DCC: variants seen among roughly 807,000 people sequenced by gnomAD.
DCC encodes the protein netrin receptor DCC.
DCC carries 58 observed loss-of-function variants against 172.5 expected under a neutral mutation model. The ratio of observed to expected loss-of-function variants is 0.34; its 90% confidence interval spans 0.27 to 0.42. The LOEUF is 0.42. Among genes scored for constraint, DCC ranks in the 10% least tolerant of loss-of-function variants. DCC has a pLI of 1.00. For synonymous variants in DCC, 709 were observed against 644.5 expected, an observed-to-expected ratio of 1.10 and a Z score of -1.52; for missense variants, 1,740 against 1,791.0, an observed-to-expected ratio of 0.97 and a Z score of 0.51.
intron 5 of DCC, among the ~76,000 whole-genome samples, chr18:53,037,681 A>G (rs1000458811): frequency 7.2e-5 from 11 of 152,006 alleles, no homozygotes; most frequent in African/African-American, 2.7e-4. Flanking sequence ...ATAAACAAAG[A>G]AAACCAAATG....
chr18:53,003,798 C>T (rs767404353), intron 5 of DCC, among the ~76,000 whole-genome samples: 55 of 152,126 alleles, frequency 3.6e-4, no homozygotes, highest in Non-Finnish European at 5.4e-4. Context: ...TACACAGAGA[C>T]GCACCTCTTT....
chr18:52,446,957 G>T (rs1291904230), intron 1 of DCC, among the ~76,000 whole-genome samples: 1 of 152,172 alleles, frequency 6.6e-6, no homozygotes, highest in East Asian at 1.9e-4. Flanking sequence ...CAGGAGTACT[G>T]TTTGCCAGTT....
intron 27 of DCC, among the ~76,000 whole-genome samples, chr18:53,502,943 A>G (rs909537486): frequency 3.3e-5 from 5 of 151,972 alleles, no homozygotes; most frequent in Non-Finnish European, 5.9e-5. Flanking sequence ...TGCTGCACCT[A>G]TCAACCCATC....
chr18:52,681,414 A>T (rs2144991400), intron 1 of DCC, among the ~76,000 whole-genome samples: 1 of 152,216 alleles, frequency 6.6e-6, no homozygotes, highest in East Asian at 1.9e-4. Flanking sequence ...ACACACCAAA[A>T]ATTTAAGAAT....
chr18:52,363,998 G>T (rs942004299), intron 1 of DCC, among the ~76,000 whole-genome samples: 1 of 152,164 alleles, frequency 6.6e-6, no homozygotes, highest in African/African-American at 2.4e-5. Context: ...TGTGCCTTCT[G>T]TGCTTCTCTG....
intron 18 of DCC, among the ~76,000 whole-genome samples, chr18:53,397,671 C>T (rs752213581): frequency 3.3e-5 from 5 of 152,238 alleles, no homozygotes; most frequent in Middle Eastern, 6.8e-3. Context: ...GATTAATACA[C>T]GGTTTCTTCA....
intron 1 of DCC, among the ~76,000 whole-genome samples, chr18:52,581,896 C>T (rs1200828333): frequency 6.6e-6 from 1 of 152,108 alleles, no homozygotes; most frequent in Non-Finnish European, 1.5e-5. Flanking sequence ...AATCACCAGA[C>T]TTAGGGTGAT....
chr18:53,019,862 C>T (rs557014515), intron 5 of DCC, among the ~76,000 whole-genome samples: 25 of 152,164 alleles, frequency 1.6e-4, no homozygotes, highest in African/African-American at 5.8e-4. Flanking sequence ...TATTGTCTGA[C>T]CCTTTACAAA....
chr18:53,513,614 G>A (rs1480664616), intron 27 of DCC, among the ~76,000 whole-genome samples: 1 of 152,070 alleles, frequency 6.6e-6, no homozygotes, highest in Non-Finnish European at 1.5e-5. Context: ...AAAGGATGGA[G>A]GAAGATCTAC....
intron 2 of DCC, among the ~76,000 whole-genome samples, chr18:52,821,283 C>T (rs568692187): frequency 6.6e-6 from 1 of 152,290 alleles, no homozygotes; most frequent in Non-Finnish European, 1.5e-5. Context: ...TCTCAACATA[C>T]ATTCCACATG....
At chr18:53,065,563 T>A (rs1286546794) in intron 6 of DCC, among the ~76,000 whole-genome samples, 1 of 152,200 alleles carries the variant, frequency 6.6e-6, no homozygotes, top group Non-Finnish European at 1.5e-5. Context: ...TTTTTAGATA[T>A]TTTTCTGGGC....
intron 18 of DCC, among the ~76,000 whole-genome samples, chr18:53,401,158 C>T (rs1209848579): frequency 6.6e-6 from 1 of 152,018 alleles, no homozygotes; most frequent in Non-Finnish European, 1.5e-5. Context: ...CAAGAATGTC[C>T]GGATATGGTT....
chr18:53,245,997 C>T (rs1396955207), intron 12 of DCC, among the ~76,000 whole-genome samples: 1 of 152,030 alleles, frequency 6.6e-6, no homozygotes, highest in African/African-American at 2.4e-5. Context: ...AGCTGTCATG[C>T]TTTCTCAGGT....
intron 15 of DCC, among the ~76,000 whole-genome samples, chr18:53,362,541 G>A (rs573975586): frequency 2.0e-5 from 3 of 152,162 alleles, no homozygotes; most frequent in Non-Finnish European, 4.4e-5. Context: ...AAGAAAAAGT[G>A]TAGGAAGAGA....
At chr18:52,611,944 C>T (rs1385339148) in intron 1 of DCC, among the ~76,000 whole-genome samples, 1 of 152,060 alleles carries the variant, frequency 6.6e-6, no homozygotes, top group South Asian at 2.1e-4. Context: ...ATGAAGTAGA[C>T]AATAAACTAG....
intron 1 of DCC, among the ~76,000 whole-genome samples, chr18:52,615,608 T>C (rs918263331): frequency 5.3e-5 from 8 of 152,190 alleles, no homozygotes; most frequent in Non-Finnish European, 1.0e-4. Flanking sequence ...AGAGTTTCTC[T>C]TCACTGCTGT....
chr18:52,629,544 G>A (rs2034635212), intron 1 of DCC, among the ~76,000 whole-genome samples: 1 of 152,188 alleles, frequency 6.6e-6, no homozygotes, highest in African/African-American at 2.4e-5. Context: ...GCCGAGCATG[G>A]TGGCTCATGC....
intron 5 of DCC, among the ~76,000 whole-genome samples, chr18:52,999,465 G>A (rs1483412191): frequency 6.6e-6 from 1 of 152,044 alleles, no homozygotes; most frequent in African/African-American, 2.4e-5. Context: ...TGCGGATGGA[G>A]CATGGCCAGA....
intron 1 of DCC, among the ~76,000 whole-genome samples, chr18:52,723,973 G>T (rs1431260897): frequency 6.6e-6 from 1 of 152,160 alleles, no homozygotes; most frequent in Non-Finnish European, 1.5e-5. Context: ...AGTGGGAAGA[G>T]TTGATTCTGC....
Sources: gnomAD v4.1 joint callset for allele counts (sites outside exome capture counted in the v4.1 genomes callset) on GRCh38, gnomAD v4.1.1 for gene constraint, MANE v1.5 for transcripts, NCBI Gene and HGNC (gene_info 2026-07-23, HGNC 2026-07-21) for gene names.